CCSER1: variants seen among roughly 807,000 people sequenced by gnomAD.
CCSER1 encodes coiled-coil serine rich protein 1.
Under a neutral mutation model 82.0 loss-of-function variants are expected in CCSER1, and 41 were observed. That is an observed-to-expected ratio of 0.50 (90% confidence interval 0.39 to 0.65). CCSER1 has a LOEUF of 0.65. Among genes scored for constraint, CCSER1 ranks in the 30% least tolerant of loss-of-function variants. CCSER1 has a pLI of 0.00. For missense variants in CCSER1, 1,119 were observed against 1,064.2 expected (o/e 1.05, Z -0.72); for synonymous variants, 414 against 383.9 (o/e 1.08, Z -0.92).
rs1258753532 is a variant in CCSER1 at position 91,527,779 on chromosome 4, G to C, written c.2218-70793G>C. Among the ~76,000 whole-genome samples the C allele has an allele frequency of 3.3e-5, 5 of 152,076 alleles. No homozygotes were observed. In the East Asian group the frequency reaches 9.6e-4, roughly 29 times the overall value. On this transcript the variant is annotated intron_variant, in intron 10 of 10. Coordinates refer to ENST00000509176, the MANE Select transcript of CCSER1 (RefSeq NM_001145065.2). ...GGATTAGCATATATAAATATCTAAA[G>C]GCAAATAGAAATTCAATACTGCAGG...
At chr4:90,599,789 T>C (rs1163078228) in intron 5 of CCSER1, among the ~76,000 whole-genome samples, 1 of 152,080 alleles carries the variant, frequency 6.6e-6, no homozygotes, top group African/African-American at 2.4e-5. Context: ...TGTTGGAGAG[T>C]GATAAGTGTT....
intron 8 of CCSER1, chr4:90,838,904 T>A (rs760322660): frequency 6.2e-7 from 1 of 1,613,342 alleles, no homozygotes; most frequent in South Asian, 1.1e-5. Context: ...CACGCCTCAT[T>A]ACGATTCGCC....
At chr4:90,192,618 A>T (rs1735871757) in intron 1 of CCSER1, among the ~76,000 whole-genome samples, 1 of 152,120 alleles carries the variant, frequency 6.6e-6, no homozygotes, top group Admixed American at 6.6e-5. Context: ...ATTATCATGA[A>T]GAAAAATATG....
chr4:90,801,732 T>C (rs1756848264), intron 7 of CCSER1, among the ~76,000 whole-genome samples: 1 of 152,208 alleles, frequency 6.6e-6, no homozygotes, highest in South Asian at 2.1e-4. Flanking sequence ...CATGGATATA[T>C]TTTAAAATTA....
At chr4:90,142,044 T>C (rs1724887544) in intron 1 of CCSER1, among the ~76,000 whole-genome samples, 1 of 152,226 alleles carries the variant, frequency 6.6e-6, no homozygotes. Flanking sequence ...TAATAAACAT[T>C]TGCTTTACTG....
At chr4:90,567,135 T>TA (rs1779498308) in intron 5 of CCSER1, among the ~76,000 whole-genome samples, 1 of 151,988 alleles carries the variant, frequency 6.6e-6, no homozygotes, top group South Asian at 2.1e-4. Context: ...CTTTTTCTAC[T>TA]AACTTTGGGC....
chr4:91,424,201 T>C (rs1478825353), intron 10 of CCSER1, among the ~76,000 whole-genome samples: 1 of 150,628 alleles, frequency 6.6e-6, no homozygotes, highest in African/African-American at 2.5e-5. Flanking sequence ...GTATTTTTAG[T>C]AGAGACGGGG....
chr4:91,463,447 C>T (rs1756638027), intron 10 of CCSER1, among the ~76,000 whole-genome samples: 1 of 152,196 alleles, frequency 6.6e-6, no homozygotes, highest in Admixed American at 6.5e-5. Flanking sequence ...AAAATCAGAG[C>T]ACCTCTCCTC....
chr4:91,069,058 C>T (rs1185986758), intron 9 of CCSER1, among the ~76,000 whole-genome samples: 2 of 151,976 alleles, frequency 1.3e-5, no homozygotes, highest in African/African-American at 2.4e-5. Flanking sequence ...CCTGTAACCC[C>T]AGCTACTAGG....
chr4:91,217,527 C>G lies in CCSER1; in HGVS notation c.2217+131533C>G, dbSNP rs531337983. On this transcript the variant is annotated intron_variant, in intron 10 of 10. Coordinates refer to ENST00000509176, the MANE Select transcript of CCSER1 (RefSeq NM_001145065.2). ...GGTGCTGATTGTTGTGTTTACAAAC[C>G]TTGAGCTAGATACAGAGTGCCGATT... Among the ~76,000 whole-genome samples, 191 of 151,914 alleles carry G rather than the reference C, an allele frequency of 1.3e-3. 2 individuals are homozygous for G. Among genetic ancestry groups the G allele is most frequent in the African/African-American group, 4.3e-3 (178 of 41,418 alleles).
intron 5 of CCSER1, among the ~76,000 whole-genome samples, chr4:90,594,282 G>A (rs1384660607): frequency 5.3e-5 from 8 of 152,074 alleles, no homozygotes; most frequent in Admixed American, 4.6e-4. Flanking sequence ...GTTCTCTCAG[G>A]TTCTCAAGTA....
intron 1 of CCSER1, among the ~76,000 whole-genome samples, chr4:90,193,810 T>C (rs1485720058): frequency 6.6e-6 from 1 of 152,036 alleles, no homozygotes; most frequent in Admixed American, 6.6e-5. Flanking sequence ...AAAATATCTA[T>C]TGATGCTTTT....
chr4:90,630,177 T>C (rs1724110669), intron 6 of CCSER1, among the ~76,000 whole-genome samples: 1 of 152,212 alleles, frequency 6.6e-6, no homozygotes. Context: ...TGCAAATGAA[T>C]AGATAAGTTT....
chr4:90,851,573 C>CTT (rs35593031), intron 8 of CCSER1, among the ~76,000 whole-genome samples: 8 of 129,792 alleles, frequency 6.2e-5, no homozygotes, highest in Admixed American at 1.6e-4. Flanking sequence ...ACTTATAGAG[C>CTT]TTTTTTTTTT....
intron 10 of CCSER1, among the ~76,000 whole-genome samples, chr4:91,541,461 A>C (rs974935912): frequency 6.6e-6 from 1 of 152,080 alleles, no homozygotes; most frequent in African/African-American, 2.4e-5. Context: ...CCCACCTATG[A>C]GTGAGAACAT....
chr4:90,870,219 C>A (rs1382608586), intron 8 of CCSER1, among the ~76,000 whole-genome samples: 1 of 151,908 alleles, frequency 6.6e-6, no homozygotes, highest in Non-Finnish European at 1.5e-5. Flanking sequence ...GCTAGGACTT[C>A]CAGTACTATG....
intron 10 of CCSER1, among the ~76,000 whole-genome samples, chr4:91,275,032 G>T (rs1742310813): frequency 6.6e-6 from 1 of 151,954 alleles, no homozygotes; most frequent in African/African-American, 2.4e-5. Context: ...TGTGAGCCCG[G>T]GAGGCAGAGC....
At chr4:90,484,192 C>T (rs945066093) in intron 5 of CCSER1, among the ~76,000 whole-genome samples, 4 of 149,018 alleles carry the variant, frequency 2.7e-5, no homozygotes, top group Admixed American at 1.3e-4. Context: ...GCATTCATCA[C>T]GTAGTTCTCG....
At chr4:90,306,899 C>T (rs920584656) in intron 1 of CCSER1, among the ~76,000 whole-genome samples, 1 of 152,160 alleles carries the variant, frequency 6.6e-6, no homozygotes, top group African/African-American at 2.4e-5. Context: ...ATGGCAGTCA[C>T]TAGAATAGCA....
Sources: allele counts gnomAD v4.1 joint callset (sites outside exome capture counted in the v4.1 genomes callset), GRCh38; gene constraint gnomAD v4.1.1; transcripts MANE v1.5; gene names NCBI Gene and HGNC (gene_info 2026-07-23, HGNC 2026-07-21).